The following RUSC1 variants were observed in gnomAD, a reference collection of about 807,000 sequenced individuals.
The protein encoded by RUSC1 is RUN and SH3 domain containing 1.
Under a neutral mutation model 72.1 loss-of-function variants are expected in RUSC1, and 40 were observed. The observed-to-expected ratio is 0.55, with a 90% CI of 0.43 to 0.72. RUSC1 has a LOEUF of 0.72. Among genes scored for constraint, RUSC1 ranks in the 30% least tolerant of loss-of-function variants. The probability of loss-of-function intolerance (pLI) is 0.00; values close to 1 mark genes in which losing one functional copy is unlikely to be tolerated. For synonymous variants in RUSC1, 512 were observed against 494.2 expected (o/e 1.04, Z -0.48); for missense variants, 1,092 against 1,172.3 (o/e 0.93, Z 1.00).
chr1:155,326,265 C>T lies in RUSC1; in HGVS notation c.1862-315C>T, dbSNP rs968698493. Reference sequence around the variant, plus strand: ...TGAGTCCTTCCCCAGTGAGGCCCTACCTCTACCCTCGGACTAGGCCAACCC... The same window carrying T: ...TGAGTCCTTCCCCAGTGAGGCCCTATCTCTACCCTCGGACTAGGCCAACCC... On this transcript the variant is annotated intron_variant, in intron 7 of 9. Transcript: ENST00000368352. The surrounding 1 kb of genome is among the most constrained non-coding windows in gnomAD (Gnocchi z 4.7). The T allele has an allele frequency of 1.8e-5, 10 of 545,224 alleles. No individual in the cohort carries two copies. Among genetic ancestry groups the T allele is most frequent in the African/African-American group, 1.7e-4 (9 of 52,952 alleles). The allele number at this position is 545,224 out of a possible 1,614,324, so 33.8% of individuals were successfully genotyped here.
Position 155,324,886 on chromosome 1 carries a change from C to G in RUSC1, c.1399C>G (p.Arg467Gly). The G allele has an allele frequency of 6.2e-7, 1 of 1,614,240 alleles. No individual in the cohort carries two copies. The highest frequency in any genetic ancestry group is 8.5e-7 in the Non-Finnish European group (1 of 1,180,034). Reference sequence around the variant, plus strand: ...CTTCGCCGGTGTCCCCGGAGCCCAGCGGCTGTGGATGGCAGAAGCCCAGAG... The same window carrying G: ...CTTCGCCGGTGTCCCCGGAGCCCAGGGGCTGTGGATGGCAGAAGCCCAGAG... Reference protein sequence around the residue: ...WSFAGVPGAQRLWMAEAQSGT... With the variant: ...WSFAGVPGAQGLWMAEAQSGT... Residue 467 changes from arginine (R) to glycine (G), a missense_variant, in exon 3 of 10, where the codon CGG becomes GGG. Transcript: ENST00000368352.
chr1:155,321,489 T>A, intron 1 of RUSC1, 199 bp from the exon 2 acceptor site: 1 of 1,477,624 alleles, frequency 6.8e-7, no homozygotes, highest in Non-Finnish European at 9.1e-7. Context: ...CCGGCTCCAT[T>A]CCCGGGGGGT....
chr1:155,323,851 A>T, intron 2 of RUSC1: 1 of 927,412 alleles, frequency 1.1e-6, no homozygotes, highest in Non-Finnish European at 1.3e-6. Context: ...GCCACGCCTC[A>T]GGCGGGCCGC....
In RUSC1 at chr1:155,326,633, G is replaced by C. The variant is rs779465088; in HGVS notation, c.1915G>C (p.Gly639Arg). ...PTGFFSLARG[G>R]CPSLSTELLL... The stretch of plus-strand genomic sequence containing the variant: ...AGGATTTTTCTCCCTGGCCCGCGGT[G>C]GTTGTCCCTCCCTGTCCACAGAGCT... Residue 639 changes from glycine to arginine, a missense_variant, in exon 8 of 10, where the codon GGT becomes CGT. Transcript: ENST00000368352. This position sits in a 1 kb window ranked among gnomAD's most constrained non-coding sequence, Gnocchi z 4.7. The C allele has an allele frequency of 1.2e-6, 2 of 1,614,008 alleles. No individual in the cohort carries two copies. The highest frequency in any genetic ancestry group is 4.5e-5 in the East Asian group (2 of 44,888).
rs547669898 is a variant in RUSC1, at chr1:155,324,490, C to G, written c.1358-355C>G. The G allele has an allele frequency of 5.3e-5, 85 of 1,606,496 alleles. No homozygotes were observed. In the South Asian group the frequency reaches 8.2e-4, roughly 15 times the overall value. On this transcript the variant is annotated intron_variant, in intron 2 of 9. Coordinates refer to ENST00000368352, the MANE Select transcript of RUSC1 (RefSeq NM_001105203.2). ...GGGGCGGTGCGCTGGGCTACACCTC[C>G]CTCCCCGCGCCCCGTCCTCTCCCGC...
At chr1:155,328,345 T>A in intron 9 of RUSC1, 70 bp downstream of exon 9, 1 of 1,460,400 alleles carries the variant, frequency 6.8e-7, no homozygotes, top group Non-Finnish European at 9.1e-7. Context: ...TGGGAGGTAG[T>A]GTAAAAAACC....
chr1:155,322,987 C>CCG lies in RUSC1; in HGVS notation c.1214_1215insCG (p.Pro407SerfsTer15). The CCG allele has an allele frequency of 2.0e-6, 3 of 1,513,690 alleles. No individual in the cohort carries two copies. The highest frequency in any genetic ancestry group is 2.7e-6 in the Non-Finnish European group (3 of 1,127,566). 93.8% of individuals were successfully genotyped at this position (1,513,690 alleles called of 1,614,324 possible). Reference sequence around the variant, plus strand: ...GTCCCGCCCCGGCCCCCACCCCCGCCTGTCCCTCCCCGAAGGAAGAAGAAC... The same window carrying CCG: ...GTCCCGCCCCGGCCCCCACCCCCGCCCGTGTCCCTCCCCGAAGGAAGAAGAAC... On this transcript the variant is annotated frameshift_variant, in exon 2 of 10. Transcript: ENST00000368352. LOFTEE classifies it high-confidence loss of function.
At position 155,322,598 on chromosome 1, in the gene RUSC1, T is replaced by C. The variant is rs777219296; in HGVS notation, c.825T>C (p.Ser275=). 7 of 1,614,138 alleles carry C rather than the reference T, an allele frequency of 4.3e-6. No individual in the cohort carries two copies. The highest frequency in any genetic ancestry group is 4.5e-5 in the East Asian group (2 of 44,900). Residue 275 remains serine (S), a synonymous_variant, in exon 2 of 10, where the codon TCT becomes TCC. Transcript: ENST00000368352. ...SWKSEPEKFD[S]GWKTNTRITD... ...AAAGTGAACCTGAAAAATTCGACTC[T>C]GGTTGGAAAACCAACACAAGAATAA...
At chr1:155,324,219 CG>C in intron 2 of RUSC1, 1 of 1,426,680 alleles carries the variant, frequency 7.0e-7, no homozygotes, top group Non-Finnish European at 9.2e-7. Flanking sequence ...GTGAAGCTCC[CG>C]GGAGCTCATT....
rs1241484115 is a variant in RUSC1, at chr1:155,325,088, C to T, written c.1457-14C>T. 1.2e-6 allele frequency: 2 copies of T among 1,614,240 alleles called. No individual in the cohort carries two copies. Among genetic ancestry groups the T allele is most frequent in the South Asian group, 1.1e-5 (1 of 91,090 alleles). ...CGCGGCCTCCTAGCGTCTTCCCTTT[C>T]CCACTCCTCCCAGGTCTTCTGATAG... On this transcript the variant is annotated splice_polypyrimidine_tract_variant and intron_variant, in intron 3 of 9. Transcript: ENST00000368352. This position sits in a 1 kb window ranked among gnomAD's most constrained non-coding sequence, Gnocchi z 6.5.
chr1:155,322,368 G>C lies in RUSC1; in HGVS notation c.595G>C (p.Glu199Gln). 4.3e-6 allele frequency: 7 copies of C among 1,613,946 alleles called. No individual in the cohort carries two copies. Among genetic ancestry groups the C allele is most frequent in the Non-Finnish European group, 5.9e-6 (7 of 1,179,796 alleles). ...CGTCCCTTCCCCAGGCTTGGAGGAA[G>C]AGGACGAGAGGGCGGAGCAGGATCT... ...QDVPSPGLEE[E>Q]DERAEQDLPT... Residue 199 changes from glutamate (E) to glutamine (Q), a missense_variant, in exon 2 of 10, where the codon GAG (glutamate) becomes CAG (glutamine). Coordinates refer to ENST00000368352, the MANE Select transcript of RUSC1 (RefSeq NM_001105203.2).
chr1:155,328,010 ACT>A (rs1651594511), intron 8 of RUSC1, 138 bp from the exon 9 acceptor site: 3 of 1,070,416 alleles, frequency 2.8e-6, no homozygotes, highest in South Asian at 1.8e-5. Flanking sequence ...AATAATGAAC[ACT>A]CTGCCCTCAG....
chr1:155,321,879 C>T lies in RUSC1; in HGVS notation c.106C>T (p.Pro36Ser). ...CCGCCGTCCTGAGCTACAGGAGGGG[C>T]CTTTGAGCACACCCCCTCCTCCAGG... is the stretch of plus-strand genomic sequence containing the variant. ...LSRRPELQEGPLSTPPPPGDT... is the reference protein window; with the variant it reads ...LSRRPELQEGSLSTPPPPGDT... The change falls in exon 2 of 10, where the codon CCT becomes TCT. Residue 36 changes from proline to serine, a missense_variant. Transcript: ENST00000368352. 17 of 1,613,178 alleles carry T rather than the reference C, an allele frequency of 1.1e-5. No homozygotes were observed. The highest frequency in any genetic ancestry group is 1.4e-5 in the Non-Finnish European group (17 of 1,179,806).
At chr1:155,324,362 C>T in intron 2 of RUSC1, 2 of 1,607,512 alleles carry the variant, frequency 1.2e-6, no homozygotes, top group Non-Finnish European at 1.7e-6. Flanking sequence ...TCCCAATCCT[C>T]GGGTCTCGCC....
intron 9 of RUSC1, among the ~76,000 whole-genome samples, chr1:155,329,809 G>A (rs1305419648): frequency 1.3e-5 from 2 of 151,872 alleles, no homozygotes; most frequent in Non-Finnish European, 2.9e-5. Flanking sequence ...ACAAAAATTA[G>A]CCAGGCGTGG....
In RUSC1 at chr1:155,322,961, G is replaced by T; in HGVS notation, c.1188G>T (p.Leu396Phe). Residue 396 changes from leucine (L) to phenylalanine (F), a missense_variant, in exon 2 of 10, where the codon TTG becomes TTT. Transcript: ENST00000368352. ...GAGACCCCCCAGTTGGCTGGGCTTTGGTCCCGCCCCGGCCCCCACCCCCGC... is the reference window on the plus strand; with the variant it reads ...GAGACCCCCCAGTTGGCTGGGCTTTTGTCCCGCCCCGGCCCCCACCCCCGC... ...PPRDPPVGWA[L>F]VPPRPPPPPV... 3.2e-6 allele frequency: 5 copies of T among 1,553,108 alleles called. No homozygotes were observed. The highest frequency in any genetic ancestry group is 4.4e-6 in the Non-Finnish European group (5 of 1,148,288).
rs779928951 is a variant in RUSC1 at position 155,325,233 on chromosome 1, G to C, written c.1533+55G>C. Reference sequence around the variant, plus strand: ...ATGAGGAGAGTAATGGAGCTCCGCGGGGGGTGCGGGAATGGTTGGCGGGAG... The same window carrying C: ...ATGAGGAGAGTAATGGAGCTCCGCGCGGGGTGCGGGAATGGTTGGCGGGAG... On this transcript the variant is annotated intron_variant, in intron 4 of 9. Transcript: ENST00000368352. This position sits in a 1 kb window ranked among gnomAD's most constrained non-coding sequence, Gnocchi z 6.5. The C allele has an allele frequency of 2.4e-5, 38 of 1,612,888 alleles. No homozygotes were observed. The highest frequency in any genetic ancestry group is 6.7e-5 in the Admixed American group (4 of 60,010).
At chr1:155,324,186 ACC>A in intron 2 of RUSC1, 2 of 1,393,158 alleles carry the variant, frequency 1.4e-6, no homozygotes, top group South Asian at 3.1e-5. Context: ...CTGCCCCCCG[ACC>A]TTGCTAGGGA....
chr1:155,324,304 A>C, intron 2 of RUSC1: 3 of 1,566,372 alleles, frequency 1.9e-6, no homozygotes, highest in Non-Finnish European at 2.6e-6. Context: ...CCCTCCGCCA[A>C]GAGGCTGCTG....
Sources: allele counts gnomAD v4.1 joint callset (sites outside exome capture counted in the v4.1 genomes callset), GRCh38; gene constraint gnomAD v4.1.1; non-coding constraint Gnocchi (gnomAD v3.1); transcripts MANE v1.5; gene names NCBI Gene and HGNC (gene_info 2026-07-23, HGNC 2026-07-21).